GRK5: variants seen among roughly 807,000 people sequenced by gnomAD.
GRK5 encodes G protein-coupled receptor kinase 5, also known as g protein-coupled receptor kinase GRK5.
In GRK5, 40 loss-of-function variants were observed where a neutral mutation model predicts 78.4. That is an observed-to-expected ratio of 0.51 (90% CI 0.40 to 0.66). The LOEUF is 0.66. Ranked by LOEUF, GRK5 falls within the 30% of genes least tolerant of loss-of-function variation. The probability of loss-of-function intolerance (pLI) is 0.00; values close to 1 mark genes in which losing one functional copy is unlikely to be tolerated. For missense variants in GRK5, 598 were observed against 759.9 expected, an observed-to-expected ratio of 0.79 and a Z score of 2.50; for synonymous variants, 289 against 296.8, an observed-to-expected ratio of 0.97 and a Z score of 0.27.
At chr10:119,369,508 T>C (rs1158700414) in intron 2 of GRK5, among the ~76,000 whole-genome samples, 1 of 152,158 alleles carries the variant, frequency 6.6e-6, no homozygotes, top group Non-Finnish European at 1.5e-5. Flanking sequence ...GCAGTCACAG[T>C]TCTTTGCTTT....
At chr10:119,326,060 A>C (rs1453366126) in intron 1 of GRK5, among the ~76,000 whole-genome samples, 1 of 152,220 alleles carries the variant, frequency 6.6e-6, no homozygotes, top group Non-Finnish European at 1.5e-5. Flanking sequence ...TCTAGCCTCC[A>C]GCTGGGGAAG....
intron 10 of GRK5, 147 bp downstream of exon 10, chr10:119,439,915 A>G: frequency 1.4e-6 from 1 of 699,564 alleles, no homozygotes. Flanking sequence ...GGAAGGGGGA[A>G]AGCTGTGAGT....
intron 1 of GRK5, among the ~76,000 whole-genome samples, chr10:119,296,173 C>T (rs1046766467): frequency 1.3e-5 from 2 of 152,196 alleles, no homozygotes; most frequent in African/African-American, 2.4e-5. Context: ...GCTTGGTTCT[C>T]GGGCTTGTCC....
rs1198079076 is a variant in GRK5, at chr10:119,445,185, G to A, written c.1266+1433G>A. On this transcript the variant is annotated intron_variant, in intron 12 of 15. Transcript: ENST00000392870. This position sits in a 1 kb window ranked among gnomAD's most constrained non-coding sequence, Gnocchi z 4.1. ...AGGGTGGGGGGACCGGAGGAGCAGT[G>A]CAGCACTGGTCGGGTAAATGGAAAT... Among the ~76,000 whole-genome samples the A allele has an allele frequency of 6.6e-6, 1 of 152,216 alleles. No homozygotes were observed. The highest frequency in any genetic ancestry group is 1.5e-5 in the Non-Finnish European group (1 of 68,042).
In GRK5 at chr10:119,451,838, C is replaced by G. The variant is rs79154396; in HGVS notation, c.1405-833C>G. 4.2e-3 allele frequency among the ~76,000 whole-genome samples: 633 copies of G among 152,356 alleles called. 5 individuals carry two copies. Among genetic ancestry groups the G allele is most frequent in the Admixed American group, 0.017 (263 of 15,310 alleles). The stretch of plus-strand genomic sequence containing the variant: ...CCCATGCTGAGCCGGTGCACTGATT[C>G]ACAACCTTCGTATTAGCCAAATGTC... On this transcript the variant is annotated intron_variant, in intron 13 of 15. Transcript: ENST00000392870.
intron 2 of GRK5, among the ~76,000 whole-genome samples, chr10:119,364,970 A>G (rs762581273): frequency 6.6e-6 from 1 of 151,882 alleles, no homozygotes; most frequent in Non-Finnish European, 1.5e-5. Flanking sequence ...TTTCCCAGTT[A>G]TCTCTCTTGT....
chr10:119,225,484 G>A (rs1848719920), intron 1 of GRK5, among the ~76,000 whole-genome samples: 2 of 152,044 alleles, frequency 1.3e-5, no homozygotes, highest in South Asian at 4.2e-4. Context: ...TGTCACATAC[G>A]GGGGAAGAGG....
rs1267023569 is a variant in GRK5 at position 119,267,823 on chromosome 10, G to T, written c.53-58693G>T. 6.6e-6 allele frequency among the ~76,000 whole-genome samples: 1 copy of T among 152,080 alleles called. No homozygotes were observed. Among genetic ancestry groups the T allele is most frequent in the Non-Finnish European group, 1.5e-5 (1 of 68,012 alleles). On this transcript the variant is annotated intron_variant, in intron 1 of 15. Transcript: ENST00000392870. This position sits in a 1 kb window ranked among gnomAD's most constrained non-coding sequence, Gnocchi z 4.1. ...ACAGGGAGGCGCTCCCATGTCAGAA[G>T]ATGGGTCCTCTCCACCCCAGCTCCT... is the stretch of plus-strand genomic sequence containing the variant.
intron 4 of GRK5, among the ~76,000 whole-genome samples, chr10:119,415,100 AAAAG>A (rs1320758156): frequency 5.6e-4 from 84 of 150,968 alleles, no homozygotes; most frequent in African/African-American, 2.0e-3. Flanking sequence ...AAAAAAAAAA[AAAAG>A]AAAAAGAAAA....
chr10:119,433,998 C>G (rs934701709), intron 8 of GRK5, among the ~76,000 whole-genome samples: 11 of 152,226 alleles, frequency 7.2e-5, no homozygotes, highest in Non-Finnish European at 1.5e-4. Flanking sequence ...AAAGGCACTT[C>G]TTACATGGCG....
intron 4 of GRK5, chr10:119,406,374 G>GGC: frequency 1.3e-6 from 1 of 747,706 alleles, no homozygotes; most frequent in South Asian, 6.0e-5. Flanking sequence ...TGGGGTCCAT[G>GGC]GCCCTGGTCC....
chr10:119,341,057 C>T (rs1431558511), intron 2 of GRK5, among the ~76,000 whole-genome samples: 6 of 152,184 alleles, frequency 3.9e-5, no homozygotes, highest in African/African-American at 1.4e-4. Context: ...TGGCACCTGG[C>T]CCAGTGCAGT....
At chr10:119,252,675 T>TTTTCTACAAATTTTCTACAAAA (rs1849223011) in intron 1 of GRK5, among the ~76,000 whole-genome samples, 1 of 152,194 alleles carries the variant, frequency 6.6e-6, no homozygotes, top group Non-Finnish European at 1.5e-5. Context: ...TAGAAAAAGA[T>TTTTCTACAAATTTTCTACAAAA]GGTGCTGTTA....
chr10:119,450,177 A>G (rs1459769152), intron 13 of GRK5, among the ~76,000 whole-genome samples: 2 of 152,186 alleles, frequency 1.3e-5, no homozygotes, highest in African/African-American at 4.8e-5. Context: ...CATTGGGCTG[A>G]TGTCCGAAAT....
chr10:119,324,034 C>A (rs1462448955), intron 1 of GRK5, among the ~76,000 whole-genome samples: 1 of 152,226 alleles, frequency 6.6e-6, no homozygotes, highest in Non-Finnish European at 1.5e-5. Context: ...TGGCTTGCAG[C>A]TTTTCTGGGA....
intron 6 of GRK5, among the ~76,000 whole-genome samples, chr10:119,429,953 G>C (rs1037107731): frequency 6.6e-6 from 1 of 152,068 alleles, no homozygotes; most frequent in Non-Finnish European, 1.5e-5. Flanking sequence ...GACCTCCTTC[G>C]CGTCCTTTGT....
intron 1 of GRK5, among the ~76,000 whole-genome samples, chr10:119,291,932 T>TTTCCTCCTCTTTTTCCTCCTCCTC (rs1554903424): frequency 1.1e-5 from 1 of 89,404 alleles, no homozygotes; most frequent in Non-Finnish European, 2.2e-5. Context: ...TCCTCCTTCT[T>TTTCCTCCTCTTTTTCCTCCTCCTC]TTCCTCCTCT....
intron 1 of GRK5, among the ~76,000 whole-genome samples, chr10:119,313,047 G>GTGA (rs1216616756): frequency 1.6e-4 from 20 of 121,932 alleles, no homozygotes; most frequent in Admixed American, 6.0e-4. Flanking sequence ...GATGGTGGTG[G>GTGA]TGGTAATGAT....
At chr10:119,393,453 AT>A (rs1404639158) in intron 3 of GRK5, among the ~76,000 whole-genome samples, 1 of 152,236 alleles carries the variant, frequency 6.6e-6, no homozygotes, top group Non-Finnish European at 1.5e-5. Flanking sequence ...CCAGGCCTCC[AT>A]TTGGTTAAAT....
Sources: gnomAD v4.1 joint callset for allele counts (sites outside exome capture counted in the v4.1 genomes callset) on GRCh38, gnomAD v4.1.1 for gene constraint, Gnocchi (gnomAD v3.1) non-coding constraint, MANE v1.5 for transcripts, NCBI Gene and HGNC (gene_info 2026-07-23, HGNC 2026-07-21) for gene names.